Variants in ZMYM2 observed in about 807,000 individuals in gnomAD.
ZMYM2 encodes the protein zinc finger MYM-type protein 2.
In ZMYM2, 56 loss-of-function variants were observed where a neutral mutation model predicts 162.8. The ratio of observed to expected loss-of-function variants is 0.34; its 90% confidence interval spans 0.28 to 0.43. ZMYM2 has a LOEUF of 0.43. ZMYM2 is among the 20% of genes least tolerant of loss of function. The pLI is 1.00. For synonymous variants in ZMYM2, 510 were observed against 541.6 expected, an observed-to-expected ratio of 0.94 and a Z score of 0.81; for missense variants, 1,275 against 1,621.8, an observed-to-expected ratio of 0.79 and a Z score of 3.67.
At chr13:19,942,539 C>CA in the ZMYM2 span, among the ~76,000 whole-genome samples, 3,652 of 57,190 alleles carry the variant, frequency 0.064, 92 homozygotes, top group East Asian at 0.21. Flanking sequence ...ACCGTCTCTA[C>CA]AAAAAAAAAA....
At chr13:20,032,595 C>CTTTTT (rs1566350627) in intron 10 of ZMYM2, among the ~76,000 whole-genome samples, 5 of 96,376 alleles carry the variant, frequency 5.2e-5, no homozygotes, top group Non-Finnish European at 8.7e-5. Flanking sequence ...GATTTTTTTT[C>CTTTTT]TGTCTTTTTT....
chr13:19,877,665 C>T, the ZMYM2 span, among the ~76,000 whole-genome samples: 1 of 152,196 alleles, frequency 6.6e-6, no homozygotes, highest in African/African-American at 2.4e-5. Context: ...TTGTGACTGC[C>T]TTATTTCACT....
At chr13:19,867,313 G>C in the ZMYM2 span, among the ~76,000 whole-genome samples, 1 of 149,630 alleles carries the variant, frequency 6.7e-6, no homozygotes, top group Admixed American at 6.7e-5. Context: ...TCGCGCCATC[G>C]CACTCCAGCC....
the ZMYM2 span, among the ~76,000 whole-genome samples, chr13:19,873,380 T>TTTTATTTATTTA: frequency 0.021 from 2,932 of 136,922 alleles, 51 homozygotes; most frequent in East Asian, 0.028. Flanking sequence ...ACAGAGTCAA[T>TTTTATTTATTTA]TTTATTTATT....
chr13:19,908,236 C>G, the ZMYM2 span, among the ~76,000 whole-genome samples: 1 of 152,044 alleles, frequency 6.6e-6, no homozygotes, highest in Non-Finnish European at 1.5e-5. Context: ...TGCAGTGAGC[C>G]GAGATTGGAC....
At chr13:20,017,324 G>C (rs1304398624) in intron 6 of ZMYM2, among the ~76,000 whole-genome samples, 3 of 152,190 alleles carry the variant, frequency 2.0e-5, no homozygotes, top group Non-Finnish European at 2.9e-5. Context: ...AGGAGCTGTT[G>C]TCTTACTGTT....
chr13:19,997,784 C>T (rs914960403), intron 3 of ZMYM2, among the ~76,000 whole-genome samples: 2 of 152,142 alleles, frequency 1.3e-5, no homozygotes, highest in African/African-American at 4.8e-5. Flanking sequence ...AACCTGAGAT[C>T]ATAGCATAGG....
intron 2 of ZMYM2, among the ~76,000 whole-genome samples, chr13:19,965,900 C>T (rs1955718713): frequency 6.6e-6 from 1 of 151,264 alleles, no homozygotes. Context: ...CTGCCTCAGC[C>T]TCCTGTGTAG....
At chr13:19,927,239 A>G in the ZMYM2 span, among the ~76,000 whole-genome samples, 1 of 152,206 alleles carries the variant, frequency 6.6e-6, no homozygotes, top group African/African-American at 2.4e-5. Flanking sequence ...TCTCAAATCA[A>G]GATCTAGACC....
At chr13:20,083,371 A>G (rs539502816) in intron 23 of ZMYM2, among the ~76,000 whole-genome samples, 4 of 152,178 alleles carry the variant, frequency 2.6e-5, no homozygotes, top group Non-Finnish European at 5.9e-5. Context: ...CCAGATTTCT[A>G]TTTTGGGATT....
the ZMYM2 span, among the ~76,000 whole-genome samples, chr13:19,937,795 C>A: frequency 1.7e-5 from 2 of 118,118 alleles, no homozygotes; most frequent in African/African-American, 3.1e-5. Flanking sequence ...CCCCGCCCCC[C>A]ACCTCACAAC....
intron 21 of ZMYM2, among the ~76,000 whole-genome samples, chr13:20,081,482 T>A (rs1957903277): frequency 6.6e-6 from 1 of 152,172 alleles, no homozygotes; most frequent in Non-Finnish European, 1.5e-5. Context: ...GTTTTACAGG[T>A]GGAGAATTAG....
chr13:19,882,953 A>G, the ZMYM2 span, among the ~76,000 whole-genome samples: 1 of 152,336 alleles, frequency 6.6e-6, no homozygotes, highest in African/African-American at 2.4e-5. Flanking sequence ...CTTATACATC[A>G]ATTTTTATAC....
At chr13:19,986,961 C>T (rs564276244) in intron 2 of ZMYM2, among the ~76,000 whole-genome samples, 3 of 151,258 alleles carry the variant, frequency 2.0e-5, no homozygotes, top group East Asian at 2.0e-4. Flanking sequence ...AAAAATTAGC[C>T]GGTCATGGTG....
At chr13:20,065,999 T>C (rs1047975064) in intron 19 of ZMYM2, among the ~76,000 whole-genome samples, 5 of 152,234 alleles carry the variant, frequency 3.3e-5, no homozygotes, top group South Asian at 2.1e-4. Context: ...TATTGTCTTA[T>C]ATTTATTTTC....
chr13:20,049,232 G>T (rs1475288667), intron 12 of ZMYM2, among the ~76,000 whole-genome samples: 1 of 151,684 alleles, frequency 6.6e-6, no homozygotes, highest in Non-Finnish European at 1.5e-5. Flanking sequence ...TTGTAAATTG[G>T]TATTAATCTT....
At chr13:19,909,688 C>T in the ZMYM2 span, among the ~76,000 whole-genome samples, 1 of 151,986 alleles carries the variant, frequency 6.6e-6, no homozygotes, top group African/African-American at 2.4e-5. Context: ...CTGCCTTGGC[C>T]TCCCAAAGTG....
chr13:19,953,682 C>CAAA (rs35266783), upstream of ZMYM2, among the ~76,000 whole-genome samples: 1,317 of 74,568 alleles, frequency 0.018, 58 homozygotes, highest in African/African-American at 0.037. Flanking sequence ...GACTCTGTCT[C>CAAA]AAAAAAAAAA....
the ZMYM2 span, among the ~76,000 whole-genome samples, chr13:19,884,154 G>A: frequency 1.3e-5 from 2 of 152,108 alleles, no homozygotes; most frequent in Non-Finnish European, 2.9e-5. Flanking sequence ...GATTGCTTGA[G>A]CTTATGAGTT....
Sources: allele counts gnomAD v4.1 joint callset (sites outside exome capture counted in the v4.1 genomes callset), GRCh38; gene constraint gnomAD v4.1.1; transcripts MANE v1.5; gene names NCBI Gene and HGNC (gene_info 2026-07-23, HGNC 2026-07-21).